The following DLGAP2 variants were observed in gnomAD, a reference collection of about 807,000 sequenced individuals.
The protein encoded by DLGAP2 is disks large-associated protein 2.
DLGAP2 carries 26 observed loss-of-function variants against 100.3 expected under a neutral mutation model. That is an observed-to-expected ratio of 0.26 (90% CI 0.19 to 0.36). The LOEUF is 0.36. DLGAP2 is among the 10% of genes least tolerant of loss of function. The pLI is 1.00. For synonymous variants in DLGAP2, 886 were observed against 630.1 expected (o/e 1.41, Z -6.08); for missense variants, 1,858 against 1,453.2 (o/e 1.28, Z -4.53).
At chr8:1,231,865 G>A (rs1161838763) in intron 2 of DLGAP2, among the ~76,000 whole-genome samples, 1 of 152,086 alleles carries the variant, frequency 6.6e-6, no homozygotes, top group East Asian at 1.9e-4. Flanking sequence ...CTCTGTAGCT[G>A]GGTGACAAGT....
intron 3 of DLGAP2, among the ~76,000 whole-genome samples, chr8:1,481,549 G>C (rs923283034): frequency 7.9e-6 from 1 of 126,314 alleles, no homozygotes; most frequent in African/African-American, 2.9e-5. Flanking sequence ...TATGATCTTG[G>C]ATCACTGCAA....
intron 4 of DLGAP2, among the ~76,000 whole-genome samples, chr8:1,516,901 A>T (rs1584976992): frequency 6.6e-6 from 1 of 152,208 alleles, no homozygotes; most frequent in Admixed American, 6.5e-5. Flanking sequence ...GGATGAGGAG[A>T]TATGTTTTGT....
intron 1 of DLGAP2, among the ~76,000 whole-genome samples, chr8:829,176 G>T (rs1358859491): frequency 6.6e-6 from 1 of 152,144 alleles, no homozygotes; most frequent in Admixed American, 6.5e-5. Flanking sequence ...AACTGACATT[G>T]CCTGTTACAT....
intron 5 of DLGAP2, among the ~76,000 whole-genome samples, chr8:1,560,799 G>A (rs1160906048): frequency 6.6e-6 from 1 of 152,164 alleles, no homozygotes; most frequent in Non-Finnish European, 1.5e-5. Flanking sequence ...CAAAACATTG[G>A]CAAATGTACA....
chr8:1,000,302 T>C (rs981553877), intron 2 of DLGAP2, among the ~76,000 whole-genome samples: 4 of 150,694 alleles, frequency 2.7e-5, no homozygotes, highest in Non-Finnish European at 4.4e-5. Flanking sequence ...GGTTTTCTTT[T>C]GCACTTGATG....
intron 3 of DLGAP2, among the ~76,000 whole-genome samples, chr8:1,272,973 G>A (rs923650119): frequency 6.6e-6 from 1 of 152,176 alleles, no homozygotes; most frequent in Non-Finnish European, 1.5e-5. Context: ...GGGAAGGAAT[G>A]TTCGGAGTGT....
At chr8:1,685,229 C>G (rs937855908) in intron 12 of DLGAP2, among the ~76,000 whole-genome samples, 24 of 152,300 alleles carry the variant, frequency 1.6e-4, no homozygotes, top group Admixed American at 1.0e-3. Flanking sequence ...TGAGAATGAG[C>G]AGAACACATG....
intron 3 of DLGAP2, among the ~76,000 whole-genome samples, chr8:1,392,325 G>C (rs543523933): frequency 6.6e-6 from 1 of 152,116 alleles, no homozygotes; most frequent in Non-Finnish European, 1.5e-5. Context: ...ATCCAGGGTC[G>C]AGGTGCAGGG....
chr8:1,273,943 C>G (rs531410478), intron 3 of DLGAP2, among the ~76,000 whole-genome samples: 11 of 152,292 alleles, frequency 7.2e-5, no homozygotes, highest in Non-Finnish European at 1.3e-4. Context: ...TGTGTGCTCA[C>G]TAATGCTCTT....
intron 1 of DLGAP2, among the ~76,000 whole-genome samples, chr8:765,380 G>A (rs775530876): frequency 1.3e-5 from 2 of 152,020 alleles, no homozygotes; most frequent in East Asian, 1.9e-4. Flanking sequence ...CCTGTTATGC[G>A]GTGGATAGAA....
chr8:1,337,709 T>C (rs1343544393), intron 3 of DLGAP2, among the ~76,000 whole-genome samples: 4 of 152,188 alleles, frequency 2.6e-5, no homozygotes, highest in Non-Finnish European at 5.9e-5. Flanking sequence ...ACAAACTTTA[T>C]TGACATCTTT....
At chr8:1,147,391 C>G (rs182025810) in intron 2 of DLGAP2, among the ~76,000 whole-genome samples, 124 of 152,142 alleles carry the variant, frequency 8.2e-4, no homozygotes, top group African/African-American at 2.7e-3. Flanking sequence ...TTATTTAACT[C>G]TATTTTTTCT....
chr8:1,133,801 A>T (rs1796345969), intron 2 of DLGAP2, among the ~76,000 whole-genome samples: 1 of 152,178 alleles, frequency 6.6e-6, no homozygotes, highest in African/African-American at 2.4e-5. Flanking sequence ...AATGAACATC[A>T]CTCAGTTGTT....
intron 2 of DLGAP2, among the ~76,000 whole-genome samples, chr8:946,552 C>T (rs184678847): frequency 1.4e-4 from 21 of 152,280 alleles, no homozygotes; most frequent in Admixed American, 7.8e-4. Flanking sequence ...CGTGAGCCAC[C>T]GCGCCCGGCC....
rs144461355 is a variant in DLGAP2 at position 1,695,819 on chromosome 8, G to A, written c.2797-1328G>A. On this transcript the variant is annotated intron_variant, in intron 13 of 14. Coordinates refer to ENST00000637795, the MANE Select transcript of DLGAP2 (RefSeq NM_001346810.2). ...CTCCTGGCATCCCTCGACTGACTTC[G>A]GTGCAGAACGTGGCCTCCTTGCCAG... Among the ~76,000 whole-genome samples, 776 of 152,348 alleles carry A rather than the reference G, an allele frequency of 5.1e-3. 14 individuals carry two copies. The East Asian group carries it at 0.054, about 11-fold the overall frequency.
Position 1,575,031 on chromosome 8 carries a change from G to A in DLGAP2, c.1442+9137G>A, listed in dbSNP as rs532166406. Among the ~76,000 whole-genome samples the A allele has an allele frequency of 3.9e-5, 6 of 152,298 alleles. No individual in the cohort carries two copies. The South Asian group carries it at 8.3e-4, about 21-fold the overall frequency. On this transcript the variant is annotated intron_variant, in intron 6 of 14. Transcript: ENST00000637795. ...TACACAGGGACAGAGAGAGGCAAGC[G>A]AGGGAGAAACGCAATGTTAGGTCAT...
chr8:1,198,145 G>A (rs1797794534), intron 2 of DLGAP2, among the ~76,000 whole-genome samples: 1 of 152,122 alleles, frequency 6.6e-6, no homozygotes. Flanking sequence ...TGTGGACGTA[G>A]ACTCCCACAC....
rs764994188 is a variant in DLGAP2 at position 1,501,409 on chromosome 8, G to C, written c.150G>C (p.Pro50=). ...TGGTCCAGCCGGGCATCAGCTTTCC[G>C]GGGCCGGCAGAGGAGGATCTAGGTA... The part of the protein sequence containing the change: ...GDLVQPGISF[P]GPAEEDLDPQ... The change falls in exon 4 of 15, where the codon CCG becomes CCC. Residue 50 remains proline (P), a synonymous_variant. Coordinates refer to ENST00000637795, the MANE Select transcript of DLGAP2 (RefSeq NM_001346810.2). The C allele has an allele frequency of 3.3e-6, 5 of 1,535,766 alleles. No homozygotes were observed. In the Admixed American group the frequency reaches 5.9e-5, roughly 18 times the overall value.
At chr8:966,574 A>G (rs904288333) in intron 2 of DLGAP2, among the ~76,000 whole-genome samples, 1 of 152,198 alleles carries the variant, frequency 6.6e-6, no homozygotes, top group African/African-American at 2.4e-5. Context: ...ACAATGGATG[A>G]ATAAGTATTT....
Sources: allele counts gnomAD v4.1 joint callset (sites outside exome capture counted in the v4.1 genomes callset), GRCh38; gene constraint gnomAD v4.1.1; transcripts MANE v1.5; gene names NCBI Gene and HGNC (gene_info 2026-07-23, HGNC 2026-07-21).